Variants in DSCAM observed in about 807,000 individuals in gnomAD.
The protein encoded by DSCAM is cell adhesion molecule DSCAM.
DSCAM carries 47 observed loss-of-function variants against 217.7 expected under a neutral mutation model. The observed-to-expected ratio is 0.22, with a 90% CI of 0.17 to 0.28. The LOEUF (loss-of-function observed/expected upper bound fraction) is 0.28. Ranked by LOEUF, DSCAM falls within the 10% of genes least tolerant of loss-of-function variation. DSCAM has a pLI of 1.00. For missense variants in DSCAM, 2,080 were observed against 2,618.3 expected, an observed-to-expected ratio of 0.79 and a Z score of 4.49; for synonymous variants, 1,056 against 1,015.3, an observed-to-expected ratio of 1.04 and a Z score of -0.76.
Position 40,296,052 on chromosome 21 carries a change from T to A in DSCAM, c.2182+3A>T. ...GTAACAAGTAGATCAAGTAACTCCA[T>A]ACCTTTAGAGAATTTCCACACGATG... On this transcript the variant is annotated splice_donor_region_variant and intron_variant, in intron 10 of 32. Coordinates refer to ENST00000400454, the MANE Select transcript of DSCAM (RefSeq NM_001389.5). 6.2e-7 allele frequency: 1 copy of A among 1,613,176 alleles called. No individual in the cohort carries two copies. Among genetic ancestry groups the A allele is most frequent in the South Asian group, 1.1e-5 (1 of 90,790 alleles).
At chr21:40,374,361 C>A (rs1403154530) in intron 3 of DSCAM, among the ~76,000 whole-genome samples, 2 of 152,224 alleles carry the variant, frequency 1.3e-5, no homozygotes, top group Non-Finnish European at 2.9e-5. Flanking sequence ...GCAGGGCCCC[C>A]TTTCAATTGC....
intron 8 of DSCAM, among the ~76,000 whole-genome samples, chr21:40,321,034 A>C (rs142238080): frequency 6.6e-6 from 1 of 152,262 alleles, no homozygotes; most frequent in Non-Finnish European, 1.5e-5. Context: ...GAAGAATCAT[A>C]CTACACATTA....
At position 40,211,233 on chromosome 21, in the gene DSCAM, A is replaced by G. The variant is rs574938471; in HGVS notation, c.2357-21995T>C. 7.7e-4 allele frequency among the ~76,000 whole-genome samples: 117 copies of G among 152,354 alleles called. 1 individual carries two copies. The highest frequency in any genetic ancestry group is 2.9e-4 in the African/African-American group (12 of 41,588). ...TTGCTGAATAGCAGCATTCCAAACT[A>G]TGGATGGACCATAGATTTTTCAACC... On this transcript the variant is annotated intron_variant, in intron 11 of 32. Transcript: ENST00000400454.
At chr21:40,732,823 G>A (rs555260024) in intron 1 of DSCAM, among the ~76,000 whole-genome samples, 1 of 152,284 alleles carries the variant, frequency 6.6e-6, no homozygotes, top group Admixed American at 6.5e-5. Flanking sequence ...TACTTTGTGC[G>A]AGTCCTGGGC....
At chr21:40,572,962 A>C (rs2076819966) in intron 3 of DSCAM, among the ~76,000 whole-genome samples, 1 of 152,242 alleles carries the variant, frequency 6.6e-6, no homozygotes, top group South Asian at 2.1e-4. Flanking sequence ...ATTTCTTGAG[A>C]AGATCACATG....
chr21:40,677,060 CG>C (rs1008484477), intron 3 of DSCAM, among the ~76,000 whole-genome samples: 1 of 151,894 alleles, frequency 6.6e-6, no homozygotes, highest in Non-Finnish European at 1.5e-5. Context: ...TCTAATTAGC[CG>C]GGGGGGAATC....
intron 10 of DSCAM, among the ~76,000 whole-genome samples, chr21:40,289,076 C>T (rs1231814647): frequency 6.6e-6 from 1 of 152,200 alleles, no homozygotes; most frequent in Non-Finnish European, 1.5e-5. Flanking sequence ...GAGGCATAAA[C>T]CAGCACTTCT....
intron 11 of DSCAM, among the ~76,000 whole-genome samples, chr21:40,244,910 GAGACAGTGCTC>G (rs1030529204): frequency 2.8e-4 from 42 of 152,046 alleles, no homozygotes; most frequent in African/African-American, 9.9e-4. Context: ...ATTAGCTAAT[GAGACAGTGCTC>G]ATTTCCGCCG....
At chr21:40,252,585 G>C (rs1477973436) in intron 11 of DSCAM, among the ~76,000 whole-genome samples, 3 of 152,056 alleles carry the variant, frequency 2.0e-5, no homozygotes, top group Non-Finnish European at 4.4e-5. Flanking sequence ...TAAAATATAT[G>C]GGAACCTGTG....
chr21:40,644,451 G>C (rs746191949), intron 3 of DSCAM, among the ~76,000 whole-genome samples: 4 of 152,144 alleles, frequency 2.6e-5, no homozygotes, highest in Non-Finnish European at 4.4e-5. Context: ...CCAGTTCTAG[G>C]AAAGATTAGC....
At chr21:40,366,185 C>A (rs895732155) in intron 4 of DSCAM, among the ~76,000 whole-genome samples, 4 of 152,042 alleles carry the variant, frequency 2.6e-5, no homozygotes, top group African/African-American at 7.2e-5. Context: ...ATTATGCATT[C>A]TTTTTAATGA....
chr21:40,219,044 G>C (rs1051164997), intron 11 of DSCAM, among the ~76,000 whole-genome samples: 31 of 152,230 alleles, frequency 2.0e-4, no homozygotes, highest in African/African-American at 7.0e-4. Context: ...GGGCATCCTC[G>C]TCTTGTGCCG....
intron 19 of DSCAM, among the ~76,000 whole-genome samples, chr21:40,130,087 C>T (rs1311231096): frequency 6.6e-6 from 1 of 152,166 alleles, no homozygotes; most frequent in Non-Finnish European, 1.5e-5. Context: ...TTGAACTTAA[C>T]TATCTCTATT....
chr21:40,560,838 C>G (rs973402166), intron 3 of DSCAM, among the ~76,000 whole-genome samples: 1 of 152,142 alleles, frequency 6.6e-6, no homozygotes, highest in Non-Finnish European at 1.5e-5. Flanking sequence ...ATTGCTAGCC[C>G]GGGTAAAGAT....
chr21:40,527,395 A>G (rs369376444), intron 3 of DSCAM, among the ~76,000 whole-genome samples: 1 of 152,300 alleles, frequency 6.6e-6, no homozygotes, highest in East Asian at 1.9e-4. Context: ...ACCAGCACTG[A>G]GTCTAAGCTT....
intron 20 of DSCAM, 29 bp from the exon 21 acceptor site, chr21:40,093,903 A>G (rs747558811): frequency 1.9e-6 from 3 of 1,597,674 alleles, no homozygotes; most frequent in African/African-American, 2.7e-5. Flanking sequence ...GTGTTCCCAC[A>G]TTCAAAGAAG....
chr21:40,141,904 C>T (rs1012832130), intron 18 of DSCAM, among the ~76,000 whole-genome samples: 4 of 149,262 alleles, frequency 2.7e-5, no homozygotes, highest in African/African-American at 1.0e-4. Context: ...AATCTTATGT[C>T]CACTTGAGAA....
At chr21:40,831,595 T>C (rs2092012389) in intron 1 of DSCAM, among the ~76,000 whole-genome samples, 1 of 152,230 alleles carries the variant, frequency 6.6e-6, no homozygotes, top group Admixed American at 6.5e-5. Flanking sequence ...AGAAAATTGG[T>C]AGTCAGTTCA....
At chr21:40,547,489 A>G (rs1313108878) in intron 3 of DSCAM, among the ~76,000 whole-genome samples, 1 of 152,152 alleles carries the variant, frequency 6.6e-6, no homozygotes, top group East Asian at 1.9e-4. Context: ...CAAGGTTAAA[A>G]CCTTAATGCA....
Sources: gnomAD v4.1 joint callset for allele counts (sites outside exome capture counted in the v4.1 genomes callset) on GRCh38, gnomAD v4.1.1 for gene constraint, MANE v1.5 for transcripts, NCBI Gene and HGNC (gene_info 2026-07-23, HGNC 2026-07-21) for gene names.